CDK14: variants seen among roughly 807,000 people sequenced by gnomAD.
CDK14 encodes cyclin-dependent kinase 14.
Under a neutral mutation model 60.7 loss-of-function variants are expected in CDK14, and 34 were observed. The observed-to-expected ratio is 0.56, with a 90% CI of 0.43 to 0.75. The LOEUF (loss-of-function observed/expected upper bound fraction) is 0.75. Among genes scored for constraint, CDK14 ranks in the 30% least tolerant of loss-of-function variants. The pLI, the probability that CDK14 is intolerant of heterozygous loss-of-function variation, is 0.00. For missense variants in CDK14, 482 were observed against 564.1 expected (o/e 0.85, Z 1.47); for synonymous variants, 197 against 203.7 (o/e 0.97, Z 0.28).
At chr7:90,946,754 C>A (rs114217097) in intron 8 of CDK14, among the ~76,000 whole-genome samples, 2 of 152,100 alleles carry the variant, frequency 1.3e-5, no homozygotes, top group Non-Finnish European at 2.9e-5. Flanking sequence ...TTGGCTTTGA[C>A]CACACCCCAG....
At chr7:90,598,704 A>ATTTGTTTTTTTTTTT (rs1554416545) in intron 1 of CDK14, among the ~76,000 whole-genome samples, 2 of 87,890 alleles carry the variant, frequency 2.3e-5, no homozygotes, top group Non-Finnish European at 4.6e-5. Flanking sequence ...TTATCTAAGG[A>ATTTGTTTTTTTTTTT]TTTTTTTTTT....
chr7:91,117,260 G>A (rs1799636262), intron 13 of CDK14, among the ~76,000 whole-genome samples: 1 of 150,910 alleles, frequency 6.6e-6, no homozygotes, highest in Non-Finnish European at 1.5e-5. Context: ...TCCACAGACC[G>A]TATTGTTGCT....
chr7:90,976,633 G>A (rs1041799665), intron 9 of CDK14, among the ~76,000 whole-genome samples: 1 of 151,936 alleles, frequency 6.6e-6, no homozygotes, highest in Non-Finnish European at 1.5e-5. Context: ...AAACTGCTGG[G>A]ATTACAGGTA....
chr7:90,653,148 A>G (rs568473866), intron 2 of CDK14, among the ~76,000 whole-genome samples: 6 of 151,930 alleles, frequency 3.9e-5, no homozygotes, highest in Non-Finnish European at 7.4e-5. Flanking sequence ...CCTGCCTCTA[A>G]GTACCCCTTG....
At chr7:90,866,560 G>T (rs1791200250) in intron 6 of CDK14, among the ~76,000 whole-genome samples, 1 of 152,030 alleles carries the variant, frequency 6.6e-6, no homozygotes, top group Admixed American at 6.6e-5. Context: ...TTTTCCTTTT[G>T]ATTTCACAAT....
intron 14 of CDK14, among the ~76,000 whole-genome samples, chr7:91,162,585 C>T (rs1011497003): frequency 6.6e-6 from 1 of 152,120 alleles, no homozygotes; most frequent in Admixed American, 6.5e-5. Flanking sequence ...GAGCAAAGGC[C>T]GCAAGGTCAG....
At chr7:91,189,961 C>T (rs925874784) in intron 14 of CDK14, among the ~76,000 whole-genome samples, 5 of 152,188 alleles carry the variant, frequency 3.3e-5, no homozygotes, top group African/African-American at 1.2e-4. Context: ...TCACTTTCCT[C>T]ATTTCCTCAT....
chr7:90,640,861 T>C (rs370626299), intron 2 of CDK14, among the ~76,000 whole-genome samples: 39 of 152,214 alleles, frequency 2.6e-4, no homozygotes, highest in African/African-American at 8.2e-4. Context: ...GATAAGGGAC[T>C]GGTATCCCAG....
In CDK14 at chr7:91,095,511, A is replaced by G. The variant is rs547077090; in HGVS notation, c.1154+16031A>G. Among the ~76,000 whole-genome samples the G allele has an allele frequency of 3.9e-5, 6 of 152,358 alleles. No individual in the cohort carries two copies. The South Asian group carries it at 1.2e-3, about 32-fold the overall frequency. Reference sequence around the variant, plus strand: ...CCCAAGGAAATAGATCAACCAAGTAAAAACCGAGTTGCCCCAAAATTCTCA... The same window carrying G: ...CCCAAGGAAATAGATCAACCAAGTAGAAACCGAGTTGCCCCAAAATTCTCA... On this transcript the variant is annotated intron_variant, in intron 12 of 14. Coordinates refer to ENST00000380050, the MANE Select transcript of CDK14 (RefSeq NM_001287135.2).
intron 8 of CDK14, 96 bp downstream of exon 8, chr7:90,917,820 A>T: frequency 3.3e-6 from 4 of 1,216,432 alleles, no homozygotes; most frequent in Non-Finnish European, 2.3e-6. Context: ...TTCTTCTATC[A>T]TCATAGATCC....
At chr7:90,992,115 C>T (rs191724329) in intron 10 of CDK14, among the ~76,000 whole-genome samples, 3 of 152,176 alleles carry the variant, frequency 2.0e-5, no homozygotes, top group East Asian at 1.9e-4. Context: ...TGCTTCTAAG[C>T]GAATGGAAAT....
intron 5 of CDK14, among the ~76,000 whole-genome samples, chr7:90,826,401 T>G (rs1789723866): frequency 6.6e-6 from 1 of 152,058 alleles, no homozygotes; most frequent in African/African-American, 2.4e-5. Flanking sequence ...GTATTTTTAG[T>G]AGAGACAGGG....
Position 91,191,324 on chromosome 7 carries a change from A to G in CDK14, c.*29-15841A>G, listed in dbSNP as rs537569791. ...CCTCAGAACCTCTAAAGAGCACTCT[A>G]TTTTCTTGGTGCTTGAAAATAAAGG... On this transcript the variant is annotated intron_variant, in intron 14 of 14. Transcript: ENST00000380050. 1.1e-4 allele frequency among the ~76,000 whole-genome samples: 16 copies of G among 152,020 alleles called. No individual in the cohort carries two copies. In the East Asian group the frequency reaches 2.3e-3, roughly 22 times the overall value.
At chr7:90,909,941 C>T (rs144708486) in intron 7 of CDK14, among the ~76,000 whole-genome samples, 77 of 152,240 alleles carry the variant, frequency 5.1e-4, no homozygotes, top group Middle Eastern at 3.4e-3. Context: ...AGAACTCAAA[C>T]AGGGCAAAAC....
chr7:91,205,149 A>T (rs1802850529), intron 14 of CDK14, among the ~76,000 whole-genome samples: 1 of 152,188 alleles, frequency 6.6e-6, no homozygotes, highest in Non-Finnish European at 1.5e-5. Flanking sequence ...AAAGTTAAAC[A>T]TATAATTTCC....
At chr7:90,877,091 C>T (rs151214761) in intron 6 of CDK14, among the ~76,000 whole-genome samples, 2 of 152,154 alleles carry the variant, frequency 1.3e-5, no homozygotes, top group East Asian at 3.9e-4. Context: ...GATGTTGACA[C>T]ATGTATAGAT....
intron 11 of CDK14, among the ~76,000 whole-genome samples, chr7:91,062,859 G>C (rs577504152): frequency 1.3e-5 from 2 of 152,140 alleles, no homozygotes; most frequent in Non-Finnish European, 2.9e-5. Context: ...GCTGGGCCCT[G>C]CATTTCTGGG....
intron 6 of CDK14, among the ~76,000 whole-genome samples, chr7:90,872,525 G>T (rs182707920): frequency 1.3e-5 from 2 of 152,180 alleles, no homozygotes. Context: ...TTCTGTAATT[G>T]GTAGGACAAA....
At chr7:90,816,817 T>A (rs1789373613) in intron 5 of CDK14, among the ~76,000 whole-genome samples, 4 of 152,196 alleles carry the variant, frequency 2.6e-5, no homozygotes, top group Admixed American at 2.6e-4. Flanking sequence ...AGTAAATCAC[T>A]GAATCTGAGG....
Sources: allele counts gnomAD v4.1 joint callset (sites outside exome capture counted in the v4.1 genomes callset), GRCh38; gene constraint gnomAD v4.1.1; transcripts MANE v1.5; gene names NCBI Gene and HGNC (gene_info 2026-07-23, HGNC 2026-07-21).